TRMU: variants seen among roughly 807,000 people sequenced by gnomAD.
TRMU encodes the protein mitochondrial tRNA-specific 2-thiouridylase 1.
Under a neutral mutation model 46.9 loss-of-function variants are expected in TRMU, and 49 were observed. That is an observed-to-expected ratio of 1.05 (90% confidence interval 0.83 to 1.33). The LOEUF is 1.33. TRMU is among the 40% of genes most tolerant of loss of function. The pLI is 0.00. For missense variants in TRMU, 572 were observed against 532.4 expected (o/e 1.07, Z -0.73); for synonymous variants, 241 against 200.9 (o/e 1.20, Z -1.69).
At position 46,352,234 on chromosome 22, in the gene TRMU, T is replaced by G. The variant is rs898158352; in HGVS notation, c.706-30T>G. The G allele has an allele frequency of 6.2e-6, 10 of 1,614,048 alleles. No homozygotes were observed. The African/African-American group carries it at 1.3e-4, about 22-fold the overall frequency. On this transcript the variant is annotated intron_variant, in intron 6 of 10. Coordinates refer to ENST00000645190, the MANE Select transcript of TRMU (RefSeq NM_018006.5). The stretch of plus-strand genomic sequence containing the variant: ...TGCGTGTCTGCCCTGGGCCTAGATC[T>G]CCGTCGGTAATGACATGTTTGTTTT...
chr22:46,336,091 C>T lies in TRMU; in HGVS notation c.82+245C>T. 7.3e-7 allele frequency: 1 copy of T among 1,363,314 alleles called. No individual in the cohort carries two copies. The highest frequency in any genetic ancestry group is 9.4e-7 in the Non-Finnish European group (1 of 1,060,934). The allele number at this position is 1,363,314 out of a possible 1,614,324, so 84.5% of individuals were successfully genotyped here. A position where few individuals can be genotyped will look rare whatever the true frequency, so the allele number is the denominator to read the frequency against. On this transcript the variant is annotated intron_variant, in intron 1 of 10. Coordinates refer to ENST00000645190, the MANE Select transcript of TRMU (RefSeq NM_018006.5). This position sits in a 1 kb window ranked among gnomAD's most constrained non-coding sequence, Gnocchi z 4.1. Reference sequence around the variant, plus strand: ...GCAGTTCCGCGCCCCTCTCCACCCACGCGCGCCCACCCACAGTGAGAAGCC... The same window carrying T: ...GCAGTTCCGCGCCCCTCTCCACCCATGCGCGCCCACCCACAGTGAGAAGCC...
At chr22:46,353,165 C>T (rs1177877419) in intron 7 of TRMU, 1 of 164,224 alleles carries the variant, frequency 6.1e-6, no homozygotes, top group Non-Finnish European at 1.4e-5. Context: ...ATGTATCTGC[C>T]AGCCCTGGCC....
At chr22:46,352,495 T>G (rs1569082671) in intron 7 of TRMU, 165 bp downstream of exon 7, 1 of 744,270 alleles carries the variant, frequency 1.3e-6, no homozygotes, top group East Asian at 2.7e-5. Context: ...GTGGAACAGT[T>G]GCCTTGATGG....
At position 46,349,168 on chromosome 22, in the gene TRMU, G is replaced by C. The variant is rs1253378768; in HGVS notation, c.479-1123G>C. ...AAAAAAAAAAAGTGGACTCTGGAAA[G>C]TGCTCTGCTTCCGTGGCGACTGGTC... is the stretch of plus-strand genomic sequence containing the variant. On this transcript the variant is annotated intron_variant, in intron 4 of 10. Coordinates refer to ENST00000645190, the MANE Select transcript of TRMU (RefSeq NM_018006.5). The surrounding 1 kb of genome is among the most constrained non-coding windows in gnomAD (Gnocchi z 4.6). 6.6e-6 allele frequency among the ~76,000 whole-genome samples: 1 copy of C among 151,692 alleles called. No individual in the cohort carries two copies. Among genetic ancestry groups the C allele is most frequent in the Non-Finnish European group, 1.5e-5 (1 of 67,960 alleles).
chr22:46,352,410 TC>T, intron 7 of TRMU, 80 bp downstream of exon 7: 8 of 1,532,918 alleles, frequency 5.2e-6, no homozygotes, highest in Non-Finnish European at 7.2e-6. Context: ...AGACCAGAGT[TC>T]CTGTCGTCCC....
At chr22:46,340,515 G>A (rs1004568520) in intron 2 of TRMU, among the ~76,000 whole-genome samples, 3 of 141,116 alleles carry the variant, frequency 2.1e-5, no homozygotes, top group African/African-American at 9.7e-5. Flanking sequence ...ATTAGGAGCG[G>A]AGCTGGGATT....
chr22:46,352,076 A>T, intron 5 of TRMU, 45 bp from the exon 6 acceptor site: 1 of 1,608,314 alleles, frequency 6.2e-7, no homozygotes, highest in Non-Finnish European at 8.5e-7. Context: ...AGCTTGGGCC[A>T]CCGCCACTTC....
chr22:46,344,608 A>G (rs1323453141), intron 3 of TRMU, among the ~76,000 whole-genome samples: 2 of 152,178 alleles, frequency 1.3e-5, no homozygotes, highest in African/African-American at 4.8e-5. Context: ...GAGAGCATTA[A>G]GCTGTCACGA....
At chr22:46,340,288 T>C (rs1157231215) in intron 2 of TRMU, among the ~76,000 whole-genome samples, 1 of 151,208 alleles carries the variant, frequency 6.6e-6, no homozygotes, top group Non-Finnish European at 1.5e-5. Context: ...AGGAGAGGAG[T>C]CAGCAGTAGT....
In TRMU at chr22:46,337,855, CTG is replaced by C. The variant is rs1441183063; in HGVS notation, c.162_163del (p.Cys54Ter). On this transcript the variant is annotated frameshift_variant, in exon 2 of 11. Transcript: ENST00000645190. LOFTEE classifies it high-confidence loss of function. ...EHGVCTADKDCEDAYRVCQIL... is the reference protein window; with the variant it reads ...EHGVCTADKDXEDAYRVCQIL... ...ATGGGGTCTGTACTGCCGACAAAGA[CTG>C]TGAAGATGCTTACAGAGTTTGCCAG... 3 of 1,614,250 alleles carry C rather than the reference CTG, an allele frequency of 1.9e-6. No homozygotes were observed. The highest frequency in any genetic ancestry group is 2.5e-6 in the Non-Finnish European group (3 of 1,180,048).
At chr22:46,355,299 T>G in intron 8 of TRMU, 145 bp from the exon 9 acceptor site, 7 of 1,282,876 alleles carry the variant, frequency 5.5e-6, no homozygotes, top group Non-Finnish European at 7.6e-6. Context: ...GATGAATTTC[T>G]GTGGGTAGAA....
chr22:46,356,919 C>A lies in TRMU; in HGVS notation c.1179C>A (p.Leu393=), dbSNP rs758422739. The change falls in exon 11 of 11, where the codon CTC becomes CTA. Residue 393 remains leucine, a synonymous_variant. Coordinates refer to ENST00000645190, the MANE Select transcript of TRMU (RefSeq NM_018006.5). ...ILRLGPSAYT[L]QKGQRRAGMA... Reference sequence around the variant, plus strand: ...GGCTGGGGCCGTCTGCCTACACGCTCCAGAAGGGCCAGCGCAGAGCTGGGA... The same window carrying A: ...GGCTGGGGCCGTCTGCCTACACGCTACAGAAGGGCCAGCGCAGAGCTGGGA... 3.7e-6 allele frequency: 6 copies of A among 1,613,258 alleles called. No homozygotes were observed. Among genetic ancestry groups the A allele is most frequent in the Non-Finnish European group, 5.1e-6 (6 of 1,179,920 alleles).
intron 3 of TRMU, 49 bp downstream of exon 3, chr22:46,343,417 GC>G: frequency 7.3e-7 from 1 of 1,376,330 alleles, no homozygotes; most frequent in Non-Finnish European, 1.0e-6. Context: ...ACAGGGTCTC[GC>G]TCTGTCACCC....
chr22:46,342,013 C>T lies in TRMU; in HGVS notation c.249-1249C>T, dbSNP rs1201010851. ...TCCTCACGGAAGAAGGCTTCTGTGA[C>T]AAAGGTGTGGGGGGTTTTCCCCATA... On this transcript the variant is annotated intron_variant, in intron 2 of 10. Transcript: ENST00000645190. This position sits in a 1 kb window ranked among gnomAD's most constrained non-coding sequence, Gnocchi z 4.7. Among the ~76,000 whole-genome samples the T allele has an allele frequency of 1.3e-5, 2 of 152,190 alleles. No individual in the cohort carries two copies. The highest frequency in any genetic ancestry group is 2.9e-5 in the Non-Finnish European group (2 of 68,044).
chr22:46,340,836 G>C (rs1415544863), intron 2 of TRMU, among the ~76,000 whole-genome samples: 1 of 152,256 alleles, frequency 6.6e-6, no homozygotes, highest in Non-Finnish European at 1.5e-5. Context: ...TAGGGACTGA[G>C]AGAAGGAGGC....
At chr22:46,341,265 T>C (rs2147863064) in intron 2 of TRMU, among the ~76,000 whole-genome samples, 1 of 152,356 alleles carries the variant, frequency 6.6e-6, no homozygotes, top group Non-Finnish European at 1.5e-5. Flanking sequence ...TCTTCAACAT[T>C]TATTGATGAC....
rs1229701696 is a variant in TRMU, at chr22:46,342,673, G to A, written c.249-589G>A. On this transcript the variant is annotated intron_variant, in intron 2 of 10. Transcript: ENST00000645190. The surrounding 1 kb of genome is among the most constrained non-coding windows in gnomAD (Gnocchi z 4.7). The stretch of plus-strand genomic sequence containing the variant: ...CTCTATAAAAAAAGAAAAGGTTGCA[G>A]TGGGCCAGGTGCGGTGGCTCACGCC... 6.6e-6 allele frequency among the ~76,000 whole-genome samples: 1 copy of A among 152,196 alleles called. No individual in the cohort carries two copies. The highest frequency in any genetic ancestry group is 6.5e-5 in the Admixed American group (1 of 15,282).
chr22:46,356,104 G>A (rs945824946), intron 10 of TRMU, 32 bp downstream of exon 10: 1 of 1,612,518 alleles, frequency 6.2e-7, no homozygotes, highest in Non-Finnish European at 8.5e-7. Flanking sequence ...GCCCGGGGAG[G>A]ACTGTACTGC....
In TRMU at chr22:46,356,605, G is replaced by A. The variant is rs1569090556; in HGVS notation, c.1102-237G>A. 4 of 571,716 alleles carry A rather than the reference G, an allele frequency of 7.0e-6. No homozygotes were observed. The East Asian group carries it at 1.2e-4, about 17-fold the overall frequency. The allele number at this position is 571,716 out of a possible 1,614,324, so 35.4% of individuals were successfully genotyped here. ...CCTTGGAGTCCCAGGAGAGGCCCCTGTGACTGTCCCACTCAGGGAGAGGTA... is the reference window on the plus strand; with the variant it reads ...CCTTGGAGTCCCAGGAGAGGCCCCTATGACTGTCCCACTCAGGGAGAGGTA... On this transcript the variant is annotated intron_variant, in intron 10 of 10. Transcript: ENST00000645190.
Sources: allele counts gnomAD v4.1 joint callset (sites outside exome capture counted in the v4.1 genomes callset), GRCh38; gene constraint gnomAD v4.1.1; non-coding constraint Gnocchi (gnomAD v3.1); transcripts MANE v1.5; gene names NCBI Gene and HGNC (gene_info 2026-07-23, HGNC 2026-07-21).